CTNNA1: variants seen among roughly 807,000 people sequenced by gnomAD.
CTNNA1 encodes catenin alpha-1.
In CTNNA1, 37 loss-of-function variants were observed where a neutral mutation model predicts 98.4. The observed-to-expected ratio is 0.38, with a 90% CI of 0.29 to 0.49. The LOEUF is 0.49. Ranked by LOEUF, CTNNA1 falls within the 20% of genes least tolerant of loss-of-function variation. The pLI is 0.95. For synonymous variants in CTNNA1, 404 were observed against 413.2 expected, an observed-to-expected ratio of 0.98 and a Z score of 0.27; for missense variants, 761 against 1,147.2, an observed-to-expected ratio of 0.66 and a Z score of 4.86.
At chr5:138,919,999 G>A (rs1019813471) in intron 11 of CTNNA1, among the ~76,000 whole-genome samples, 5 of 139,338 alleles carry the variant, frequency 3.6e-5, no homozygotes, top group East Asian at 2.0e-4. Context: ...TTTTTGAGAC[G>A]GAGCTTTGCT....
At chr5:138,800,526 G>A (rs564711237) in intron 3 of CTNNA1, among the ~76,000 whole-genome samples, 1 of 152,282 alleles carries the variant, frequency 6.6e-6, no homozygotes, top group Non-Finnish European at 1.5e-5. Context: ...CAGGTGCAGT[G>A]GCTCACACCT....
chr5:138,772,800 TATA>T (rs1465638575), intron 1 of CTNNA1, among the ~76,000 whole-genome samples: 2 of 150,804 alleles, frequency 1.3e-5, no homozygotes, highest in Non-Finnish European at 3.0e-5. Context: ...GGATTTGGAG[TATA>T]GAATTCAACT....
chr5:138,853,663 G>A lies in CTNNA1; in HGVS notation c.1062+25945G>A, dbSNP rs145146763. Among the ~76,000 whole-genome samples, 1,343 of 152,252 alleles carry A rather than the reference G, an allele frequency of 8.8e-3. 15 individuals are homozygous for A. Among genetic ancestry groups the A allele is most frequent in the Middle Eastern group, 0.017 (5 of 294 alleles). On this transcript the variant is annotated intron_variant, in intron 7 of 17. Coordinates refer to ENST00000302763, the MANE Select transcript of CTNNA1 (RefSeq NM_001903.5). ...TCAGGGTTAAATCACAGAAGCAGAAGAACTAGGAAAGATGTGTAAGGAATT... is the reference window on the plus strand; with the variant it reads ...TCAGGGTTAAATCACAGAAGCAGAAAAACTAGGAAAGATGTGTAAGGAATT...
intron 7 of CTNNA1, among the ~76,000 whole-genome samples, chr5:138,877,197 G>T (rs944404296): frequency 6.6e-6 from 1 of 152,146 alleles, no homozygotes; most frequent in Admixed American, 6.5e-5. Context: ...GTTTAGACCC[G>T]GGGAATGCTA....
chr5:138,805,722 A>T (rs968690338), intron 3 of CTNNA1, among the ~76,000 whole-genome samples: 1 of 151,746 alleles, frequency 6.6e-6, no homozygotes, highest in Non-Finnish European at 1.5e-5. Context: ...AGTAGCTAGG[A>T]CTGCAGACAC....
At position 138,873,987 on chromosome 5, in the gene CTNNA1, G is replaced by A. The variant is rs1750978642; in HGVS notation, c.1063-12225G>A. On this transcript the variant is annotated intron_variant, in intron 7 of 17. Transcript: ENST00000302763. This position sits in a 1 kb window ranked among gnomAD's most constrained non-coding sequence, Gnocchi z 6.1. ...CCATTGCGAGCCAAACTTCGCAAAC[G>A]ATTTGTGCTCAAATCCAGAAACTCC... 4 of 1,613,954 alleles carry A rather than the reference G, an allele frequency of 2.5e-6. No individual in the cohort carries two copies. Among genetic ancestry groups the A allele is most frequent in the Non-Finnish European group, 2.5e-6 (3 of 1,179,880 alleles).
Position 138,759,820 on chromosome 5 carries a change from C to T in CTNNA1, c.-3+6310C>T, listed in dbSNP as rs1273245597. On this transcript the variant is annotated intron_variant, in intron 1 of 17. Transcript: ENST00000302763. Reference sequence around the variant, plus strand: ...AATTGACTGAAATTAACCCAATTTACTGTCCCAGTCTTTCCTTGGAAGTTG... The same window carrying T: ...AATTGACTGAAATTAACCCAATTTATTGTCCCAGTCTTTCCTTGGAAGTTG... 3.9e-5 allele frequency among the ~76,000 whole-genome samples: 6 copies of T among 152,018 alleles called. No individual in the cohort carries two copies. The East Asian group carries it at 1.2e-3, about 29-fold the overall frequency.
intron 5 of CTNNA1, among the ~76,000 whole-genome samples, chr5:138,818,172 C>T (rs1437473882): frequency 6.6e-6 from 1 of 150,892 alleles, no homozygotes; most frequent in Non-Finnish European, 1.5e-5. Flanking sequence ...CTCTGTCGCC[C>T]AGGCCAGAGT....
At chr5:138,887,145 A>G (rs1037762163) in intron 8 of CTNNA1, among the ~76,000 whole-genome samples, 1 of 152,038 alleles carries the variant, frequency 6.6e-6, no homozygotes, top group African/African-American at 2.4e-5. Flanking sequence ...ATATATTCCA[A>G]GGCTATGTGC....
chr5:138,929,113 C>T, intron 13 of CTNNA1, 133 bp from the exon 14 acceptor site: 1 of 724,664 alleles, frequency 1.4e-6, no homozygotes, highest in Non-Finnish European at 2.5e-6. Flanking sequence ...ACTTTATTCA[C>T]CATACTGTTC....
At chr5:138,896,864 C>T (rs1046491277) in intron 9 of CTNNA1, among the ~76,000 whole-genome samples, 1 of 152,150 alleles carries the variant, frequency 6.6e-6, no homozygotes, top group Admixed American at 6.5e-5. Flanking sequence ...ACCTTTTTGT[C>T]AATAACGCAG....
chr5:138,933,647 G>C (rs796852464), intron 17 of CTNNA1, among the ~76,000 whole-genome samples, 155 bp from the exon 18 acceptor site: 20 of 152,324 alleles, frequency 1.3e-4, no homozygotes, highest in African/African-American at 4.3e-4. Context: ...CGTTGAGGGT[G>C]TTCTTCAGGA....
chr5:138,781,418 T>G (rs1169437402), intron 1 of CTNNA1, among the ~76,000 whole-genome samples: 2 of 152,002 alleles, frequency 1.3e-5, no homozygotes, highest in Non-Finnish European at 2.9e-5. Context: ...TAGCCGGGCG[T>G]GGTGGCGGGC....
chr5:138,874,501 C>T lies in CTNNA1; in HGVS notation c.1063-11711C>T, dbSNP rs1751071235. On this transcript the variant is annotated intron_variant, in intron 7 of 17. Coordinates refer to ENST00000302763, the MANE Select transcript of CTNNA1 (RefSeq NM_001903.5). The surrounding 1 kb of genome is among the most constrained non-coding windows in gnomAD (Gnocchi z 4.1). ...CAGGCAGCATTTTTAAAACCATACT[C>T]ATTGCATATATTGCTGCCAGCATAG... 5 of 1,607,348 alleles carry T rather than the reference C, an allele frequency of 3.1e-6. No homozygotes were observed. The highest frequency in any genetic ancestry group is 3.4e-6 in the Non-Finnish European group (4 of 1,176,172).
intron 9 of CTNNA1, among the ~76,000 whole-genome samples, chr5:138,902,176 G>A (rs1581597712): frequency 6.6e-6 from 1 of 152,164 alleles, no homozygotes; most frequent in Admixed American, 6.5e-5. Flanking sequence ...AGCCATTTCA[G>A]CCTTAGCCAC....
intron 3 of CTNNA1, among the ~76,000 whole-genome samples, chr5:138,795,098 C>T (rs1756795628): frequency 7.1e-6 from 1 of 140,142 alleles, no homozygotes; most frequent in African/African-American, 2.7e-5. Flanking sequence ...TGCAATAAGC[C>T]AAGGTTGCGC....
intron 7 of CTNNA1, among the ~76,000 whole-genome samples, chr5:138,843,899 C>T (rs1156772157): frequency 6.6e-6 from 1 of 152,184 alleles, no homozygotes; most frequent in Non-Finnish European, 1.5e-5. Context: ...CAAAAGGAGT[C>T]TACTGTAGTT....
chr5:138,817,092 A>G (rs1759513825), intron 5 of CTNNA1, among the ~76,000 whole-genome samples: 1 of 152,222 alleles, frequency 6.6e-6, no homozygotes, highest in Admixed American at 6.5e-5. Context: ...CCCTTATCAG[A>G]TGAATAGTTT....
At chr5:138,845,377 G>A (rs941855752) in intron 7 of CTNNA1, among the ~76,000 whole-genome samples, 4 of 152,188 alleles carry the variant, frequency 2.6e-5, no homozygotes, top group Admixed American at 2.6e-4. Context: ...TTTAATGTGG[G>A]TGGAGGAAGA....
Sources: allele counts gnomAD v4.1 joint callset (sites outside exome capture counted in the v4.1 genomes callset), GRCh38; gene constraint gnomAD v4.1.1; non-coding constraint Gnocchi (gnomAD v3.1); transcripts MANE v1.5; gene names NCBI Gene and HGNC (gene_info 2026-07-23, HGNC 2026-07-21).